Variants in SLC38A8 observed in about 807,000 individuals in gnomAD.
SLC38A8 encodes solute carrier family 38 member 8, also known as amino acid transporter SLC38A8.
Under a neutral mutation model 46.0 loss-of-function variants are expected in SLC38A8, and 65 were observed. The ratio of observed to expected loss-of-function variants is 1.41; its 90% confidence interval spans 1.16 to 1.74. SLC38A8 has a LOEUF of 1.74. Ranked by LOEUF, SLC38A8 falls within the 40% of genes most tolerant of loss-of-function variation. SLC38A8 has a pLI of 0.00. For missense variants in SLC38A8, 998 were observed against 567.9 expected (o/e 1.76, Z -7.70); for synonymous variants, 447 against 243.7 (o/e 1.83, Z -7.77).
chr16:84,024,101 C>T (rs978337800), intron 6 of SLC38A8, among the ~76,000 whole-genome samples: 1 of 152,092 alleles, frequency 6.6e-6, no homozygotes, highest in African/African-American at 2.4e-5. Context: ...CCAGTAACAG[C>T]CCCCCTCCCC....
At chr16:84,038,995 T>G (rs1597280839) in intron 2 of SLC38A8, among the ~76,000 whole-genome samples, 1 of 152,006 alleles carries the variant, frequency 6.6e-6, no homozygotes, top group Non-Finnish European at 1.5e-5. Flanking sequence ...GTTAATTAAG[T>G]GAAAAAGGGG....
rs565382280 is a variant in SLC38A8 at position 84,021,676 on chromosome 16, C to T, written c.805+1099G>A. On this transcript the variant is annotated intron_variant, in intron 7 of 10. Transcript: ENST00000299709. ...TTGCCCAGCTCCAAAGCCGCTTCCA[C>T]GTTCCAGGTAGTCAATCATCAACAC... Among the ~76,000 whole-genome samples, 7 of 152,340 alleles carry T rather than the reference C, an allele frequency of 4.6e-5. No homozygotes were observed. The East Asian group carries it at 1.3e-3, about 29-fold the overall frequency.
At chr16:84,024,106 C>G (rs1192778870) in intron 6 of SLC38A8, among the ~76,000 whole-genome samples, 2 of 152,254 alleles carry the variant, frequency 1.3e-5, no homozygotes, top group Non-Finnish European at 2.9e-5. Flanking sequence ...AACAGCCCCC[C>G]TCCCCCAAGT....
chr16:84,013,117 G>A lies in SLC38A8; in HGVS notation c.1163-65C>T, dbSNP rs888964877. On this transcript the variant is annotated intron_variant, in intron 9 of 10. Transcript: ENST00000299709. ...AAACCCAAAGCAACAAAAAGGTCCC[G>A]GGAGAGGTCCTCAGGGACCCAGGAG... The A allele has an allele frequency of 6.1e-5, 97 of 1,594,616 alleles. 1 individual carries two copies. The Middle Eastern group carries it at 8.4e-4, about 14-fold the overall frequency.
intron 3 of SLC38A8, among the ~76,000 whole-genome samples, chr16:84,035,418 G>A (rs1001387835): frequency 6.6e-6 from 1 of 152,154 alleles, no homozygotes; most frequent in Non-Finnish European, 1.5e-5. Context: ...ATGGCAAAAT[G>A]GTACACTAAA....
At position 84,019,711 on chromosome 16, in the gene SLC38A8, G is replaced by A. The variant is rs192377630; in HGVS notation, c.806-2424C>T. Among the ~76,000 whole-genome samples the A allele has an allele frequency of 4.1e-3, 626 of 152,334 alleles. 1 individual carries two copies. The highest frequency in any genetic ancestry group is 6.8e-3 in the Middle Eastern group (2 of 294). ...TCAGAGGTCCAAAGTCCAGAGTGTG[G>A]TCTGTGAGCCTGTGAAATCAAAAGC... On this transcript the variant is annotated intron_variant, in intron 7 of 10. Coordinates refer to ENST00000299709, the MANE Select transcript of SLC38A8 (RefSeq NM_001080442.3).
At chr16:84,010,037 C>T (rs1000328942) in intron 10 of SLC38A8, among the ~76,000 whole-genome samples, 160 bp from the exon 11 acceptor site, 6 of 150,262 alleles carry the variant, frequency 4.0e-5, no homozygotes, top group African/African-American at 1.5e-4. Flanking sequence ...GATGGGTTTC[C>T]AAGACAATGG....
At chr16:84,018,838 G>C (rs560179564) in intron 7 of SLC38A8, among the ~76,000 whole-genome samples, 1 of 152,302 alleles carries the variant, frequency 6.6e-6, no homozygotes, top group Admixed American at 6.5e-5. Flanking sequence ...TCGGGGCAGT[G>C]AATTTCTAGG....
intron 7 of SLC38A8, among the ~76,000 whole-genome samples, chr16:84,020,708 A>G (rs1405067434): frequency 6.6e-6 from 1 of 152,116 alleles, no homozygotes; most frequent in African/African-American, 2.4e-5. Flanking sequence ...CCCCAAAACC[A>G]TCCTGCCCTT....
Position 84,033,384 on chromosome 16 carries a change from C to G in SLC38A8, c.474G>C (p.Val158=). ...GGGCAGACAGGGGCAGGATGACCAG[C>G]ACGGAGAGCAGGGGCAGGGTGAAGC... ...DQRFTLPLLS[V]LVILPLSAPR... is the part of the protein sequence containing the mutation. The change falls in exon 4 of 11, where the codon GTG becomes GTC. Residue 158 remains valine, a synonymous_variant. Transcript: ENST00000299709. 6.2e-7 allele frequency: 1 copy of G among 1,614,006 alleles called. No homozygotes were observed. The highest frequency in any genetic ancestry group is 8.5e-7 in the Non-Finnish European group (1 of 1,179,958).
At chr16:84,016,162 T>C (rs1030348798) in intron 9 of SLC38A8, among the ~76,000 whole-genome samples, 1 of 152,116 alleles carries the variant, frequency 6.6e-6, no homozygotes, top group Non-Finnish European at 1.5e-5. Flanking sequence ...AACCATCAGA[T>C]CTCATGAGAC....
chr16:84,036,899 A>T lies in SLC38A8; in HGVS notation c.191T>A (p.Val64Asp). Residue 64 changes from valine (V) to aspartate (D), a missense_variant and splice_region_variant, in exon 3 of 11, where the codon GTC (valine) becomes GAC (aspartate). Val to Asp is a radical substitution (Grantham distance 152). Coordinates refer to ENST00000299709, the MANE Select transcript of SLC38A8 (RefSeq NM_001080442.3). ...GVVPAFLVEL[V>D]SLVFLISGLV... ...CCCGCTGATCAGGAAGACCAACGAG[A>T]CCTGCGGAGAAGGAGCAGGACCTGG... 6.2e-7 allele frequency: 1 copy of T among 1,610,202 alleles called. No individual in the cohort carries two copies. Among genetic ancestry groups the T allele is most frequent in the Non-Finnish European group, 8.5e-7 (1 of 1,179,348 alleles).
In SLC38A8 at chr16:84,009,689, G is replaced by C. The variant is rs866432595; in HGVS notation, c.*95C>G. On this transcript the variant is annotated 3_prime_UTR_variant, in exon 11 of 11. Coordinates refer to ENST00000299709, the MANE Select transcript of SLC38A8 (RefSeq NM_001080442.3). ...GCATCAGTCTCTCCAGCATCTTTAT[G>C]AGGAAAAGAAATGGCATCGGTCTCC... 5 of 1,060,576 alleles carry C rather than the reference G, an allele frequency of 4.7e-6. No homozygotes were observed. In the African/African-American group the frequency reaches 6.5e-5, roughly 14 times the overall value. The allele number at this position is 1,060,576 out of a possible 1,614,324, so 65.7% of individuals were successfully genotyped here. A position where few individuals can be genotyped will look rare whatever the true frequency, so the allele number is the denominator to read the frequency against.
At chr16:84,033,021 T>G (rs893548160) in intron 4 of SLC38A8, among the ~76,000 whole-genome samples, 1 of 149,212 alleles carries the variant, frequency 6.7e-6, no homozygotes, top group Non-Finnish European at 1.5e-5. Context: ...TAGGTGGGTG[T>G]GTATGTGTGG....
chr16:84,040,498 G>A (rs1178768017), intron 2 of SLC38A8, among the ~76,000 whole-genome samples: 1 of 152,210 alleles, frequency 6.6e-6, no homozygotes, highest in Non-Finnish European at 1.5e-5. Flanking sequence ...CGGTGCTTGT[G>A]GAACAGGGTT....
At chr16:84,037,540 C>G (rs2085314652) in intron 2 of SLC38A8, among the ~76,000 whole-genome samples, 1 of 152,126 alleles carries the variant, frequency 6.6e-6, no homozygotes, top group Non-Finnish European at 1.5e-5. Flanking sequence ...GTAGGCGGAT[C>G]ACCTGAGGTC....
intron 7 of SLC38A8, among the ~76,000 whole-genome samples, chr16:84,021,864 G>A (rs2085099975): frequency 6.6e-6 from 1 of 152,242 alleles, no homozygotes. Flanking sequence ...TCTTGCCGGA[G>A]GGGACTTTGC....
chr16:84,019,883 ATC>A (rs1046097618), intron 7 of SLC38A8, among the ~76,000 whole-genome samples: 1 of 152,274 alleles, frequency 6.6e-6, no homozygotes, highest in Admixed American at 6.5e-5. Context: ...CTGGAGGATC[ATC>A]TGTTTTGACA....
chr16:84,042,035 G>A lies in SLC38A8; in HGVS notation c.123C>T (p.Gly41=). 1.9e-6 allele frequency: 3 copies of A among 1,613,840 alleles called. No individual in the cohort carries two copies. Among genetic ancestry groups the A allele is most frequent in the Non-Finnish European group, 2.5e-6 (3 of 1,179,956 alleles). Residue 41 remains glycine (G), a synonymous_variant, in exon 2 of 11, where the codon GGC becomes GGT. Coordinates refer to ENST00000299709, the MANE Select transcript of SLC38A8 (RefSeq NM_001080442.3). ...AGAAGGCCCAGGGGAAGTTGAGCAG[G>A]CCAGCTCCCAGCGCGGACTTCATGA... ...FILMKSALGA[G]LLNFPWAFSK... is the part of the protein sequence containing the mutation.
Sources: gnomAD v4.1 joint callset for allele counts (sites outside exome capture counted in the v4.1 genomes callset) on GRCh38, gnomAD v4.1.1 for gene constraint, MANE v1.5 for transcripts, NCBI Gene and HGNC (gene_info 2026-07-23, HGNC 2026-07-21) for gene names.